UGT3A1: variants seen among roughly 807,000 people sequenced by gnomAD.
UGT3A1 encodes UDP-glycosyltransferase 3A1.
A neutral mutation model predicts 37.6 loss-of-function variants in UGT3A1; 40 were observed. That is an observed-to-expected ratio of 1.06 (90% CI 0.83 to 1.38). The LOEUF (loss-of-function observed/expected upper bound fraction) is 1.38, where lower values mean the gene tolerates loss of function less well. Ranked by LOEUF, UGT3A1 falls within the 40% of genes most tolerant of loss-of-function variation. The pLI is 0.00. For synonymous variants in UGT3A1, 256 were observed against 232.3 expected (o/e 1.10, Z -0.93); for missense variants, 642 against 634.2 (o/e 1.01, Z -0.13).
chr5:35,976,910 AGAGAG>A (rs1740295944), intron 2 of UGT3A1, among the ~76,000 whole-genome samples: 1 of 139,108 alleles, frequency 7.2e-6, no homozygotes, highest in African/African-American at 2.6e-5. Flanking sequence ...GGAAGGAAGG[AGAGAG>A]AGAAAGAAAA....
At chr5:35,962,918 A>C (rs1275371905) in intron 4 of UGT3A1, 1 of 702,966 alleles carries the variant, frequency 1.4e-6, no homozygotes. Context: ...GAGGAGAATA[A>C]GCTGGGGGTG....
intron 2 of UGT3A1, among the ~76,000 whole-genome samples, chr5:35,979,493 C>T (rs187250740): frequency 3.5e-4 from 53 of 152,162 alleles, no homozygotes; most frequent in Admixed American, 3.2e-3. Flanking sequence ...GCTTCAGTTC[C>T]TCATAAGTTC....
At chr5:35,981,919 A>G (rs1740538691) in intron 2 of UGT3A1, among the ~76,000 whole-genome samples, 1 of 152,240 alleles carries the variant, frequency 6.6e-6, no homozygotes, top group Admixed American at 6.5e-5. Flanking sequence ...TGCTCTGTTC[A>G]GCCTTGGGGC....
chr5:35,992,283 A>C (rs1740975299), upstream of UGT3A1, among the ~76,000 whole-genome samples: 1 of 152,140 alleles, frequency 6.6e-6, no homozygotes, highest in Non-Finnish European at 1.5e-5. Flanking sequence ...CTTCACCTAG[A>C]CATGTTCATT....
At chr5:35,969,833 A>G (rs1470477170) in intron 2 of UGT3A1, among the ~76,000 whole-genome samples, 2 of 152,216 alleles carry the variant, frequency 1.3e-5, no homozygotes, top group African/African-American at 4.8e-5. Flanking sequence ...GTTATCCAAT[A>G]TAATATAGAC....
In UGT3A1 at chr5:35,953,257, T is replaced by C. The variant is rs1162832258; in HGVS notation, c.*945A>G. 1 of 152,362 alleles carries C rather than the reference T, an allele frequency of 6.6e-6. No homozygotes were observed. Among genetic ancestry groups the C allele is most frequent in the Non-Finnish European group, 1.5e-5 (1 of 68,036 alleles). 9.4% of individuals were successfully genotyped at this position (152,362 alleles called of 1,614,324 possible). On this transcript the variant is annotated 3_prime_UTR_variant, in exon 7 of 7. Coordinates refer to ENST00000274278, the MANE Select transcript of UGT3A1 (RefSeq NM_152404.4). ...AAAAAGAAAAGATATGGGCTATTGA[T>C]GACATGATGGAGCAACCAACCACAA...
intron 6 of UGT3A1, among the ~76,000 whole-genome samples, 156 bp from the exon 7 acceptor site, chr5:35,954,634 C>T (rs545152133): frequency 1.3e-5 from 2 of 152,338 alleles, no homozygotes; most frequent in Admixed American, 6.5e-5. Flanking sequence ...GGCCTTGCCA[C>T]GGTCTCACTG....
chr5:35,998,135 G>A (rs923995186), intron 1 of UGT3A1, among the ~76,000 whole-genome samples: 1 of 152,140 alleles, frequency 6.6e-6, no homozygotes, highest in Non-Finnish European at 1.5e-5. Flanking sequence ...GGGACAATCA[G>A]CTGTACAACA....
intron 1 of UGT3A1, among the ~76,000 whole-genome samples, chr5:35,998,647 G>A (rs1489329585): frequency 1.3e-5 from 2 of 152,158 alleles, no homozygotes; most frequent in African/African-American, 4.8e-5. Flanking sequence ...GATGCCACTG[G>A]ATAAAGCCAA....
chr5:35,971,764 T>A (rs528747356), intron 2 of UGT3A1, among the ~76,000 whole-genome samples: 124 of 152,262 alleles, frequency 8.1e-4, no homozygotes, highest in African/African-American at 2.8e-3. Context: ...AGGGGCAAAC[T>A]GTAAACATTT....
intron 4 of UGT3A1, among the ~76,000 whole-genome samples, chr5:35,959,267 A>G (rs185906391): frequency 1.8e-3 from 273 of 152,332 alleles, no homozygotes; most frequent in South Asian, 8.1e-3. Context: ...CAAATGTCCA[A>G]TTTTCAACAA....
chr5:35,992,383 G>A (rs1740978605), upstream of UGT3A1, among the ~76,000 whole-genome samples: 1 of 152,052 alleles, frequency 6.6e-6, no homozygotes, highest in Non-Finnish European at 1.5e-5. Flanking sequence ...CACACACTGG[G>A]TTGGGGGAGC....
intron 4 of UGT3A1, among the ~76,000 whole-genome samples, chr5:35,960,319 C>T (rs778785787): frequency 6.6e-6 from 1 of 152,138 alleles, no homozygotes; most frequent in African/African-American, 2.4e-5. Flanking sequence ...TGTAGTACTG[C>T]CATAAAGATA....
At chr5:35,964,336 C>A (rs1034556799) in intron 4 of UGT3A1, among the ~76,000 whole-genome samples, 3 of 152,074 alleles carry the variant, frequency 2.0e-5, no homozygotes, top group African/African-American at 7.2e-5. Flanking sequence ...ACTAATCTAG[C>A]CAGCGTCACC....
chr5:35,957,509 C>A, intron 4 of UGT3A1, 90 bp from the exon 5 acceptor site: 1 of 1,047,474 alleles, frequency 9.5e-7, no homozygotes, highest in Non-Finnish European at 1.4e-6. Context: ...ACTAAACATA[C>A]CCTCCCATCA....
intron 2 of UGT3A1, among the ~76,000 whole-genome samples, chr5:35,970,849 A>C (rs1740007218): frequency 6.6e-6 from 1 of 152,216 alleles, no homozygotes; most frequent in African/African-American, 2.4e-5. Context: ...ACTATTTTTA[A>C]ACCTAGCAAG....
upstream of UGT3A1, chr5:35,991,621 C>T: frequency 9.9e-7 from 1 of 1,011,624 alleles, no homozygotes; most frequent in African/African-American, 1.7e-5. Flanking sequence ...CCCAAGGAAA[C>T]CACCTGTCTT....
At chr5:35,974,767 T>C (rs954781022) in intron 2 of UGT3A1, among the ~76,000 whole-genome samples, 3 of 152,210 alleles carry the variant, frequency 2.0e-5, no homozygotes, top group Non-Finnish European at 4.4e-5. Flanking sequence ...GACAGTTTGC[T>C]TTTATCTAAC....
At position 35,977,977 on chromosome 5, in the gene UGT3A1, G is replaced by A. The variant is rs1055102493; in HGVS notation, c.197-9844C>T. Among the ~76,000 whole-genome samples the A allele has an allele frequency of 9.2e-5, 14 of 152,296 alleles. 1 individual carries two copies. Among genetic ancestry groups the A allele is most frequent in the Admixed American group, 7.8e-4 (12 of 15,294 alleles). On this transcript the variant is annotated intron_variant, in intron 2 of 6. Transcript: ENST00000274278. ...GAAATATTCATATCCTAATTATGTTGATGGATTCACAAGTATATACATATG... is the reference window on the plus strand; with the variant it reads ...GAAATATTCATATCCTAATTATGTTAATGGATTCACAAGTATATACATATG...
Sources: allele counts gnomAD v4.1 joint callset (sites outside exome capture counted in the v4.1 genomes callset), GRCh38; gene constraint gnomAD v4.1.1; transcripts MANE v1.5; gene names NCBI Gene and HGNC (gene_info 2026-07-23, HGNC 2026-07-21).